Variants in DRAM2 observed in about 807,000 individuals in gnomAD.
The protein encoded by DRAM2 is DNA damage-regulated autophagy modulator protein 2.
DRAM2 carries 26 observed loss-of-function variants against 33.5 expected under a neutral mutation model. That is an observed-to-expected ratio of 0.78 (90% CI 0.57 to 1.08). The LOEUF (loss-of-function observed/expected upper bound fraction) is 1.08. DRAM2 is among the 50% of genes least tolerant of loss of function. DRAM2 has a pLI of 0.00. For synonymous variants in DRAM2, 98 were observed against 109.5 expected (o/e 0.89, Z 0.66); for missense variants, 311 against 318.1 (o/e 0.98, Z 0.17).
Position 111,124,881 on chromosome 1 carries a change from C to T in DRAM2, c.200G>A (p.Cys67Tyr). 1.2e-6 allele frequency: 2 copies of T among 1,608,972 alleles called. No homozygotes were observed. The highest frequency in any genetic ancestry group is 1.7e-6 in the Non-Finnish European group (2 of 1,178,256). Residue 67 changes from cysteine (C) to tyrosine (Y), a missense_variant and splice_region_variant, in exon 6 of 10, where the codon TGC becomes TAC. Cys to Tyr is a radical substitution (Grantham distance 194, BLOSUM62 -2). Coordinates refer to ENST00000484310, the MANE Select transcript of DRAM2 (RefSeq NM_001349884.2). ...ATAACGAACATAAATGGTAGCAATG[C>T]CTGGGAAAAGATAATCCAAAAAACA... ...GAMLNIAAVL[C>Y]IATIYVRYKQ... is the part of the protein sequence containing the mutation.
chr1:111,135,404 A>G (rs1652960235), intron 3 of DRAM2, among the ~76,000 whole-genome samples: 1 of 152,172 alleles, frequency 6.6e-6, no homozygotes, highest in Non-Finnish European at 1.5e-5. Flanking sequence ...CCCCAAAGGA[A>G]ACACACTGCT....
intron 3 of DRAM2, among the ~76,000 whole-genome samples, chr1:111,136,769 G>C (rs1316261108): frequency 6.6e-6 from 1 of 151,838 alleles, no homozygotes; most frequent in Non-Finnish European, 1.5e-5. Flanking sequence ...CAAAAGCCAC[G>C]TGTCACCATC....
At position 111,124,899 on chromosome 1, in the gene DRAM2, A is replaced by G. The variant is rs775038515; in HGVS notation, c.200-18T>C. 2 of 1,607,584 alleles carry G rather than the reference A, an allele frequency of 1.2e-6. No individual in the cohort carries two copies. The highest frequency in any genetic ancestry group is 2.2e-5 in the South Asian group (2 of 90,542). On this transcript the variant is annotated intron_variant, in intron 5 of 9. Coordinates refer to ENST00000484310, the MANE Select transcript of DRAM2 (RefSeq NM_001349884.2). The stretch of plus-strand genomic sequence containing the variant: ...AGCAATGCCTGGGAAAAGATAATCC[A>G]AAAAACAACAAAGTAATAAATAATC...
intron 7 of DRAM2, 114 bp downstream of exon 7, chr1:111,120,402 A>C (rs1571015902): frequency 3.1e-5 from 9 of 291,506 alleles, no homozygotes; most frequent in South Asian, 1.7e-4. Context: ...AAAAAAAAAA[A>C]AAAAAAAAAA....
chr1:111,118,762 G>T, intron 9 of DRAM2, 43 bp downstream of exon 9: 2 of 1,480,070 alleles, frequency 1.4e-6, no homozygotes, highest in Non-Finnish European at 1.9e-6. Context: ...TGGACTAAGA[G>T]AAGGAAGTCT....
intron 2 of DRAM2, among the ~76,000 whole-genome samples, chr1:111,138,194 C>T (rs530495505): frequency 6.6e-6 from 1 of 152,258 alleles, no homozygotes; most frequent in South Asian, 2.1e-4. Flanking sequence ...TACGAATTAT[C>T]TTGGATTCGT....
intron 4 of DRAM2, among the ~76,000 whole-genome samples, chr1:111,126,832 T>G (rs1571037957): frequency 6.6e-6 from 1 of 152,192 alleles, no homozygotes; most frequent in Non-Finnish European, 1.5e-5. Flanking sequence ...GAGCTTACAT[T>G]CAAGACAGTT....
intron 3 of DRAM2, 68 bp downstream of exon 3, chr1:111,137,455 A>G (rs1484807925): frequency 1.3e-5 from 2 of 152,304 alleles, no homozygotes; most frequent in African/African-American, 4.8e-5. Context: ...CAAGGATTAA[A>G]TAAGATACTT....
rs1651093617 is a variant in DRAM2 at position 111,126,714 on chromosome 1, T to C, written c.132-420A>G. Among the ~76,000 whole-genome samples, 3 of 152,194 alleles carry C rather than the reference T, an allele frequency of 2.0e-5. No individual in the cohort carries two copies. The South Asian group carries it at 6.2e-4, about 32-fold the overall frequency. On this transcript the variant is annotated intron_variant, in intron 4 of 9. Transcript: ENST00000484310. Reference sequence around the variant, plus strand: ...TGTATTCAATTAACGCCTATTCACCTACTGATCAATTTTTAAAAGTATTAT... The same window carrying C: ...TGTATTCAATTAACGCCTATTCACCCACTGATCAATTTTTAAAAGTATTAT...
chr1:111,119,587 G>A (rs182395252), intron 8 of DRAM2: 19 of 274,428 alleles, frequency 6.9e-5, no homozygotes, highest in Admixed American at 5.9e-4. Flanking sequence ...AAATGATCTC[G>A]GTTGGCTATA....
At chr1:111,121,886 A>C (rs910587879) in intron 6 of DRAM2, among the ~76,000 whole-genome samples, 1 of 152,122 alleles carries the variant, frequency 6.6e-6, no homozygotes, top group African/African-American at 2.4e-5. Flanking sequence ...GAAATACATC[A>C]ACTAAAAAAT....
chr1:111,129,402 C>T (rs1390737822), intron 4 of DRAM2, among the ~76,000 whole-genome samples: 2 of 152,104 alleles, frequency 1.3e-5, no homozygotes, highest in African/African-American at 2.4e-5. Flanking sequence ...GATTAAAACA[C>T]TAGTAGTTGC....
intron 3 of DRAM2, among the ~76,000 whole-genome samples, chr1:111,136,763 A>C (rs1653260795): frequency 6.6e-6 from 1 of 152,096 alleles, no homozygotes; most frequent in South Asian, 2.1e-4. Context: ...AATGCTCAAA[A>C]GCCACGTGTC....
chr1:111,132,682 CTT>C (rs4021039), intron 3 of DRAM2, among the ~76,000 whole-genome samples: 3,814 of 137,932 alleles, frequency 0.028, 153 homozygotes, highest in African/African-American at 0.093. Flanking sequence ...TTTTCTTCCT[CTT>C]TTTTTTTTTT....
intron 4 of DRAM2, among the ~76,000 whole-genome samples, chr1:111,129,904 T>G (rs547409532): frequency 1.3e-5 from 2 of 152,334 alleles, no homozygotes; most frequent in South Asian, 4.1e-4. Context: ...GAAGGAAATC[T>G]ACCAAACTAT....
chr1:111,128,332 G>A (rs1388648869), intron 4 of DRAM2, among the ~76,000 whole-genome samples: 1 of 151,880 alleles, frequency 6.6e-6, no homozygotes, highest in Non-Finnish European at 1.5e-5. Flanking sequence ...TCAGAATGTT[G>A]GAGAAAGACC....
chr1:111,136,888 C>A (rs1371907216), intron 3 of DRAM2, among the ~76,000 whole-genome samples: 3 of 148,114 alleles, frequency 2.0e-5, no homozygotes, highest in Non-Finnish European at 4.5e-5. Context: ...GCAGAAGAAT[C>A]ACTTGAATCT....
At chr1:111,137,369 G>T (rs1325355723) in intron 3 of DRAM2, among the ~76,000 whole-genome samples, 154 bp downstream of exon 3, 1 of 151,978 alleles carries the variant, frequency 6.6e-6, no homozygotes, top group African/African-American at 2.4e-5. Context: ...ACAGATTGCT[G>T]GTGCATAATA....
At chr1:111,132,250 C>T (rs955490683) in intron 3 of DRAM2, among the ~76,000 whole-genome samples, 10 of 152,152 alleles carry the variant, frequency 6.6e-5, no homozygotes, top group African/African-American at 1.4e-4. Flanking sequence ...GCCAAACATG[C>T]GGAGGTTCCT....
Sources: gnomAD v4.1 joint callset for allele counts (sites outside exome capture counted in the v4.1 genomes callset) on GRCh38, gnomAD v4.1.1 for gene constraint, MANE v1.5 for transcripts, NCBI Gene and HGNC (gene_info 2026-07-23, HGNC 2026-07-21) for gene names.